The following LETMD1 variants were observed in gnomAD, a reference collection of about 807,000 sequenced individuals.
The protein encoded by LETMD1 is LETM1 domain-containing protein 1.
A neutral mutation model predicts 43.9 loss-of-function variants in LETMD1; 30 were observed. The observed-to-expected ratio is 0.68, with a 90% confidence interval of 0.51 to 0.93. The LOEUF (loss-of-function observed/expected upper bound fraction) is 0.93. Ranked by LOEUF, LETMD1 falls within the 40% of genes least tolerant of loss-of-function variation. LETMD1 has a pLI of 0.00. For missense variants in LETMD1, 413 were observed against 447.7 expected, an observed-to-expected ratio of 0.92 and a Z score of 0.70; for synonymous variants, 176 against 163.1, an observed-to-expected ratio of 1.08 and a Z score of -0.60.
chr12:51,056,512 T>C lies in LETMD1; in HGVS notation c.915+10T>C. On this transcript the variant is annotated intron_variant, in intron 7 of 8. Transcript: ENST00000262055. ...TCAGGAAGTAAAATCGGTAAGAGCT[T>C]GATTGCAACATCAACCCTCAACCCT... 1 of 1,614,132 alleles carries C rather than the reference T, an allele frequency of 6.2e-7. No individual in the cohort carries two copies. The highest frequency in any genetic ancestry group is 1.1e-5 in the South Asian group (1 of 91,084).
chr12:51,051,870 A>T (rs1946262323), intron 2 of LETMD1, among the ~76,000 whole-genome samples: 1 of 152,214 alleles, frequency 6.6e-6, no homozygotes, highest in South Asian at 2.1e-4. Context: ...CAGATTACAG[A>T]AGCCAAATGT....
At chr12:51,053,628 G>A in intron 3 of LETMD1, 150 bp from the exon 4 acceptor site, 1 of 613,452 alleles carries the variant, frequency 1.6e-6, no homozygotes, top group East Asian at 2.8e-5. Context: ...AGGTGACAGA[G>A]CAAGACTCCA....
intron 4 of LETMD1, among the ~76,000 whole-genome samples, chr12:51,055,342 G>A (rs1947344475): frequency 6.6e-6 from 1 of 151,960 alleles, no homozygotes; most frequent in South Asian, 2.1e-4. Context: ...GTGCTTCAGT[G>A]TGTCTTATAA....
At position 51,052,187 on chromosome 12, in the gene LETMD1, G is replaced by C. The variant is rs1946361930; in HGVS notation, c.370G>C (p.Glu124Gln). The C allele has an allele frequency of 8.1e-6, 13 of 1,613,822 alleles. No individual in the cohort carries two copies. The highest frequency in any genetic ancestry group is 1.1e-5 in the Non-Finnish European group (13 of 1,179,816). Residue 124 changes from glutamate (E) to glutamine (Q), a missense_variant, in exon 3 of 9, where the codon GAG becomes CAG. Physicochemically the swap from Glu to Gln is conservative, Grantham distance 29 (BLOSUM62 2). Transcript: ENST00000262055. ...NIKFHQLPYR[E>Q]MEHLRQFRQD... ...AAAGTTTCATCAACTTCCATACCGG[G>C]AGATGGAGCATTTGAGACAGGTATG...
intron 1 of LETMD1, chr12:51,048,776 C>T (rs1049073704): frequency 3.4e-6 from 2 of 587,656 alleles, no homozygotes; most frequent in African/African-American, 3.7e-5. Flanking sequence ...CTGACTTAGC[C>T]TGCAGTTCAA....
rs1446176029 is a variant in LETMD1 at position 51,059,440 on chromosome 12, T to G, written c.*9T>G. The G allele has an allele frequency of 1.9e-6, 3 of 1,612,872 alleles. No individual in the cohort carries two copies. Among genetic ancestry groups the G allele is most frequent in the Non-Finnish European group, 2.5e-6 (3 of 1,178,936 alleles). ...TTGGGACAAGGCGCTGAATGAACCATGGAGCGGATGGCATTGTCCTGCAGT... is the reference window on the plus strand; with the variant it reads ...TTGGGACAAGGCGCTGAATGAACCAGGGAGCGGATGGCATTGTCCTGCAGT... On this transcript the variant is annotated 3_prime_UTR_variant, in exon 9 of 9. Transcript: ENST00000262055.
intron 2 of LETMD1, among the ~76,000 whole-genome samples, chr12:51,051,434 G>C (rs541541263): frequency 6.7e-6 from 1 of 149,360 alleles, no homozygotes; most frequent in African/African-American, 2.5e-5. Context: ...CAGGCCGGGC[G>C]CAGTGACTCA....
In LETMD1 at chr12:51,052,105, A is replaced by G; in HGVS notation, c.288A>G (p.Leu96=). ...TTAATGAGGCAGGATTGCAGATGTT[A>G]TGGGCTGATGCCAAAAAGGCTAGAA... ...YTIFMKGLQM[L]WADAKKARRI... Residue 96 remains leucine, a synonymous_variant, in exon 3 of 9, where the codon TTA becomes TTG. Coordinates refer to ENST00000262055, the MANE Select transcript of LETMD1 (RefSeq NM_015416.5). 6.2e-7 allele frequency: 1 copy of G among 1,614,002 alleles called. No homozygotes were observed. The highest frequency in any genetic ancestry group is 1.1e-5 in the South Asian group (1 of 91,048).
downstream of LETMD1, chr12:51,063,017 T>C (rs1328569068): frequency 1.3e-5 from 2 of 152,192 alleles, no homozygotes. Flanking sequence ...AATCCAGCTC[T>C]TTCTCCGAAG....
chr12:51,061,072 C>CCAT (rs1463047284), downstream of LETMD1: 7 of 152,140 alleles, frequency 4.6e-5, no homozygotes, highest in African/African-American at 1.7e-4. Context: ...TTCTATTTTT[C>CCAT]CATCACAAAA....
At chr12:51,064,166 T>C (rs1937861583), downstream of LETMD1, 2 of 1,614,064 alleles carry the variant, frequency 1.2e-6, no homozygotes, top group East Asian at 2.2e-5. Context: ...TGTTCACCGT[T>C]GAGGCAGTTG....
chr12:51,058,108 A>T lies in LETMD1; in HGVS notation c.992A>T (p.Gln331Leu), dbSNP rs1266234341. The T allele has an allele frequency of 6.2e-7, 1 of 1,610,014 alleles. No homozygotes were observed. Among genetic ancestry groups the T allele is most frequent in the African/African-American group, 1.3e-5 (1 of 74,982 alleles). Residue 331 changes from glutamine (Q) to leucine (L), a missense_variant, in exon 8 of 9, where the codon CAG becomes CTG. Physicochemically the swap from Gln to Leu is moderately radical, Grantham distance 113. Coordinates refer to ENST00000262055, the MANE Select transcript of LETMD1 (RefSeq NM_015416.5). Reference protein sequence around the residue: ...RCRTWLGEWLQISCSLKEAEL... With the variant: ...RCRTWLGEWLLISCSLKEAEL... ...CGAACTTGGCTGGGAGAATGGCTGCAGATTTCCTGCAGCCTGAAAGGTAAA... is the reference window on the plus strand; with the variant it reads ...CGAACTTGGCTGGGAGAATGGCTGCTGATTTCCTGCAGCCTGAAAGGTAAA...
At chr12:51,057,970 C>T (rs1189644378) in intron 7 of LETMD1, 62 bp from the exon 8 acceptor site, 1 of 1,093,186 alleles carries the variant, frequency 9.1e-7, no homozygotes, top group Non-Finnish European at 1.4e-6. Context: ...TTGTGGATTT[C>T]CATTTCCTTG....
downstream of LETMD1, chr12:51,063,998 C>G: frequency 6.2e-7 from 1 of 1,614,084 alleles, no homozygotes. Context: ...AGCTACAAGC[C>G]ACGAGTGAGG....
At chr12:51,059,286 C>A in intron 8 of LETMD1, 75 bp from the exon 9 acceptor site, 1 of 1,351,994 alleles carries the variant, frequency 7.4e-7, no homozygotes, top group Non-Finnish European at 1.1e-6. Context: ...TTCCTGCCTC[C>A]AGGCTTAAGC....
chr12:51,067,892 A>C, the LETMD1 span: 7 of 1,614,028 alleles, frequency 4.3e-6, no homozygotes. This position sits in a 1 kb window ranked among gnomAD's most constrained non-coding sequence, Gnocchi z 4.1. Flanking sequence ...CATTTTCCAC[A>C]TCAATATCTT....
Position 51,048,668 on chromosome 12 carries a change from C to T in LETMD1, c.122+190C>T, listed in dbSNP as rs1592511490. On this transcript the variant is annotated intron_variant, in intron 1 of 8. Coordinates refer to ENST00000262055, the MANE Select transcript of LETMD1 (RefSeq NM_015416.5). ...TTCCTGACCCTCTGTACTCTCAGTGCCCCATATTGTCTGGTTTCCCCGCGT... is the reference window on the plus strand; with the variant it reads ...TTCCTGACCCTCTGTACTCTCAGTGTCCCATATTGTCTGGTTTCCCCGCGT... The T allele has an allele frequency of 1.0e-5, 7 of 695,306 alleles. No homozygotes were observed. In the South Asian group the frequency reaches 1.2e-4, roughly 12 times the overall value. The allele number at this position is 695,306 out of a possible 1,614,324, so 43.1% of individuals were successfully genotyped here.
Position 51,049,181 on chromosome 12 carries a change from G to A in LETMD1, c.270G>A (p.Met90Ile), listed in dbSNP as rs377114781. Residue 90 changes from methionine (M) to isoleucine (I), a missense_variant, in exon 2 of 9, where the codon ATG becomes ATA. By Grantham distance (10) the Met-to-Ile change is conservative. Coordinates refer to ENST00000262055, the MANE Select transcript of LETMD1 (RefSeq NM_015416.5). ...TCTATGTCCTGTACACAATCTTCAT[G>A]AAAGGTAAAAACGAAACTACAATAG... is the stretch of plus-strand genomic sequence containing the variant. ...PRFYVLYTIFMKGLQMLWADA... is the reference protein window; with the variant it reads ...PRFYVLYTIFIKGLQMLWADA... 4 of 1,609,244 alleles carry A rather than the reference G, an allele frequency of 2.5e-6. No individual in the cohort carries two copies. The highest frequency in any genetic ancestry group is 2.2e-5 in the East Asian group (1 of 44,814).
At chr12:51,060,730 G>A (rs565501450), downstream of LETMD1, among the ~76,000 whole-genome samples, 11 of 152,094 alleles carry the variant, frequency 7.2e-5, no homozygotes, top group South Asian at 2.1e-4. Context: ...GTGAAACCCC[G>A]TCTCAACTAA....
Sources: allele counts gnomAD v4.1 joint callset (sites outside exome capture counted in the v4.1 genomes callset), GRCh38; gene constraint gnomAD v4.1.1; non-coding constraint Gnocchi (gnomAD v3.1); transcripts MANE v1.5; gene names NCBI Gene and HGNC (gene_info 2026-07-23, HGNC 2026-07-21).